TTK: variants seen among roughly 807,000 people sequenced by gnomAD.
TTK encodes the protein TTK protein kinase.
In TTK, 59 loss-of-function variants were observed where a neutral mutation model predicts 117.3. That is an observed-to-expected ratio of 0.50 (90% CI 0.41 to 0.62). The LOEUF (loss-of-function observed/expected upper bound fraction) is 0.62. Ranked by LOEUF, TTK falls within the 20% of genes least tolerant of loss-of-function variation. TTK has a pLI of 0.00. For synonymous variants in TTK, 302 were observed against 325.0 expected, an observed-to-expected ratio of 0.93 and a Z score of 0.76; for missense variants, 921 against 989.4, an observed-to-expected ratio of 0.93 and a Z score of 0.93.
chr6:80,011,286 T>C (rs553207729), intron 5 of TTK, 148 bp from the exon 6 acceptor site: 2 of 521,472 alleles, frequency 3.8e-6, no homozygotes, highest in East Asian at 3.2e-5. Flanking sequence ...TAGATAATTA[T>C]CTTGGTATCA....
intron 19 of TTK, 151 bp from the exon 20 acceptor site, chr6:80,040,044 AG>A: frequency 1.1e-6 from 1 of 933,206 alleles, no homozygotes; most frequent in African/African-American, 1.7e-5. Flanking sequence ...ATTTTGCAAA[AG>A]TGCCTTGGGA....
chr6:80,022,366 A>C lies in TTK; in HGVS notation c.1151A>C (p.Gln384Pro), dbSNP rs1388139099. 4 of 1,613,882 alleles carry C rather than the reference A, an allele frequency of 2.5e-6. No individual in the cohort carries two copies. The highest frequency in any genetic ancestry group is 3.4e-6 in the Non-Finnish European group (4 of 1,179,984). ...YQEPEVPESNQKQWQSKRKSE... is the reference protein window; with the variant it reads ...YQEPEVPESNPKQWQSKRKSE... ...GAACCAGAGGTTCCAGAGAGTAACC[A>C]GAAACAGTGGCAATCTAAGAGAAAG... is the stretch of plus-strand genomic sequence containing the variant. The change falls in exon 11 of 22, where the codon CAG becomes CCG. Residue 384 changes from glutamine to proline, a missense_variant. By Grantham distance (76) the Gln-to-Pro change is moderately conservative. Transcript: ENST00000369798.
intron 13 of TTK, among the ~76,000 whole-genome samples, chr6:80,030,808 G>A: frequency 6.6e-6 from 1 of 152,144 alleles, no homozygotes; most frequent in Non-Finnish European, 1.5e-5. Flanking sequence ...GCTGAAATTT[G>A]CATTTGTCTC....
In TTK at chr6:80,027,903, A is replaced by G; in HGVS notation, c.1413A>G (p.Val471=). 2 of 1,601,750 alleles carry G rather than the reference A, an allele frequency of 1.2e-6. No homozygotes were observed. The highest frequency in any genetic ancestry group is 1.7e-6 in the Non-Finnish European group (2 of 1,173,262). ...TTCCTAGTTTTAGAACTCCAGTTGT[A>G]AAGAATGACTTTCCACCTGCTTGTC... ...DYMSCFRTPV[V]KNDFPPACQL... is the part of the protein sequence containing the mutation. Residue 471 remains valine, a synonymous_variant, in exon 13 of 22, where the codon GTA becomes GTG. Transcript: ENST00000369798.
rs779469715 is a variant in TTK, at chr6:80,040,597, A to G, written c.2393-9A>G. ...ACTGGTACTAGTGTATTATTGATTT[A>G]TTTTATAGTTAACCAAATGGCCAAG... On this transcript the variant is annotated splice_polypyrimidine_tract_variant and intron_variant, in intron 20 of 21. Coordinates refer to ENST00000369798, the MANE Select transcript of TTK (RefSeq NM_003318.5). 6.2e-7 allele frequency: 1 copy of G among 1,609,684 alleles called. No individual in the cohort carries two copies. Among genetic ancestry groups the G allele is most frequent in the East Asian group, 2.2e-5 (1 of 44,706 alleles).
intron 13 of TTK, among the ~76,000 whole-genome samples, chr6:80,028,420 C>T (rs1428334229): frequency 6.6e-6 from 1 of 151,830 alleles, no homozygotes; most frequent in African/African-American, 2.4e-5. Context: ...CAGGTTCAAG[C>T]GATTCTCGTG....
rs1582113090 is a variant in TTK, at chr6:80,035,560, T to C, written c.1924+143T>C. Reference sequence around the variant, plus strand: ...AAATAATTAGAAGTTTATTTAAAGATAAAGGAACAAAACCATTTCTTAAAA... The same window carrying C: ...AAATAATTAGAAGTTTATTTAAAGACAAAGGAACAAAACCATTTCTTAAAA... On this transcript the variant is annotated intron_variant, in intron 16 of 21. Coordinates refer to ENST00000369798, the MANE Select transcript of TTK (RefSeq NM_003318.5). The C allele has an allele frequency of 8.5e-6, 8 of 942,906 alleles. No homozygotes were observed. In the East Asian group the frequency reaches 2.4e-4, roughly 28 times the overall value. The allele number at this position is 942,906 out of a possible 1,614,324, so 58.4% of individuals were successfully genotyped here. A position where few individuals can be genotyped will look rare whatever the true frequency, so the allele number is the denominator to read the frequency against.
intron 11 of TTK, 152 bp downstream of exon 11, chr6:80,022,624 T>C: frequency 1.1e-6 from 1 of 888,852 alleles, no homozygotes; most frequent in East Asian, 2.8e-5. Context: ...TATAAAGTGG[T>C]GATCAGTAGC....
chr6:80,016,940 C>T (rs996858700), intron 10 of TTK, among the ~76,000 whole-genome samples: 3 of 152,198 alleles, frequency 2.0e-5, no homozygotes, highest in African/African-American at 2.4e-5. Context: ...AATCTATTTC[C>T]AGATTCCTCT....
Position 80,011,519 on chromosome 6 carries a change from A to G in TTK, c.699A>G (p.Gly233=), listed in dbSNP as rs1382442469. The G allele has an allele frequency of 6.2e-7, 1 of 1,605,116 alleles. No homozygotes were observed. The highest frequency in any genetic ancestry group is 1.3e-5 in the African/African-American group (1 of 74,348). The part of the protein sequence containing the change: ...QNRNNSCDSR[G]QTTKARFLYG... ...GGAACAACAGTTGTGATTCCAGAGGACAGACTACTAAAGCCAGGTTTTTAT... is the reference window on the plus strand; with the variant it reads ...GGAACAACAGTTGTGATTCCAGAGGGCAGACTACTAAAGCCAGGTTTTTAT... Residue 233 remains glycine, a synonymous_variant, in exon 6 of 22, where the codon GGA becomes GGG. Transcript: ENST00000369798.
Position 80,040,703 on chromosome 6 carries a change from A to G in TTK, c.2490A>G (p.Lys830=), listed in dbSNP as rs1310266741. Residue 830 remains lysine, a splice_region_variant and synonymous_variant, in exon 21 of 22, where the codon AAA becomes AAG. Transcript: ENST00000369798. ...CTAACTCCATTTTGAAAGCTGCTAAAGTAAGTATGTCTATTCTTTACATTA... is the reference window on the plus strand; with the variant it reads ...CTAACTCCATTTTGAAAGCTGCTAAGGTAAGTATGTCTATTCTTTACATTA... ...NSPNSILKAA[K]TLYEHYSGGE... The G allele has an allele frequency of 1.9e-6, 3 of 1,610,926 alleles. No homozygotes were observed. The South Asian group carries it at 3.3e-5, about 18-fold the overall frequency.
intron 6 of TTK, 56 bp from the exon 7 acceptor site, chr6:80,011,673 G>A: frequency 6.3e-7 from 1 of 1,586,998 alleles, no homozygotes; most frequent in Non-Finnish European, 8.6e-7. Context: ...CAGTAGAGTA[G>A]AAATACATAT....
At chr6:80,037,182 G>A (rs540979691) in intron 17 of TTK, among the ~76,000 whole-genome samples, 1 of 152,238 alleles carries the variant, frequency 6.6e-6, no homozygotes, top group Admixed American at 6.6e-5. Context: ...GAACCAAGAT[G>A]ATATGTTCCA....
At chr6:80,014,332 T>A in intron 9 of TTK, 131 bp from the exon 10 acceptor site, 1 of 677,856 alleles carries the variant, frequency 1.5e-6, no homozygotes, top group African/African-American at 1.9e-5. Context: ...GGTTTGTGAG[T>A]CTACATATAA....
chr6:80,037,755 T>C (rs1582115190), intron 17 of TTK: 1 of 224,310 alleles, frequency 4.5e-6, no homozygotes, highest in South Asian at 1.6e-4. Context: ...TATATATATC[T>C]TAACGTTGTC....
At chr6:80,029,598 T>A (rs1681940693) in intron 13 of TTK, among the ~76,000 whole-genome samples, 1 of 152,110 alleles carries the variant, frequency 6.6e-6, no homozygotes, top group South Asian at 2.1e-4. Context: ...GAGGCCAGTG[T>A]CAGAAGAGAA....
chr6:80,022,570 T>G (rs1297896885), intron 11 of TTK, 98 bp downstream of exon 11: 1 of 1,261,014 alleles, frequency 7.9e-7, no homozygotes, highest in African/African-American at 1.5e-5. Context: ...TAAATGTGTA[T>G]GATATTTAGT....
At chr6:80,006,990 C>A (rs553911279) in intron 2 of TTK, among the ~76,000 whole-genome samples, 20 of 152,060 alleles carry the variant, frequency 1.3e-4, no homozygotes, top group Non-Finnish European at 2.2e-4. Flanking sequence ...TAGTAATAAC[C>A]AAAATATCCT....
intron 16 of TTK, among the ~76,000 whole-genome samples, chr6:80,035,785 T>C (rs1238172872): frequency 2.0e-5 from 3 of 152,150 alleles, no homozygotes; most frequent in Non-Finnish European, 4.4e-5. Flanking sequence ...TTTTGTATTG[T>C]ATGCCCTGTG....
Sources: allele counts gnomAD v4.1 joint callset (sites outside exome capture counted in the v4.1 genomes callset), GRCh38; gene constraint gnomAD v4.1.1; transcripts MANE v1.5; gene names NCBI Gene and HGNC (gene_info 2026-07-23, HGNC 2026-07-21).